Variants in DPYSL2 observed in about 807,000 individuals in gnomAD.
DPYSL2 encodes the protein dihydropyrimidinase like 2.
A neutral mutation model predicts 69.9 loss-of-function variants in DPYSL2; 13 were observed. The ratio of observed to expected loss-of-function variants is 0.19; its 90% confidence interval spans 0.12 to 0.30. The LOEUF is 0.30. Ranked by LOEUF, DPYSL2 falls within the 10% of genes least tolerant of loss-of-function variation. The pLI, the probability that DPYSL2 is intolerant of heterozygous loss-of-function variation, is 1.00. For synonymous variants in DPYSL2, 326 were observed against 359.1 expected, an observed-to-expected ratio of 0.91 and a Z score of 1.04; for missense variants, 587 against 918.9, an observed-to-expected ratio of 0.64 and a Z score of 4.67.
At chr8:26,608,415 T>C (rs1038076743) in intron 3 of DPYSL2, among the ~76,000 whole-genome samples, 3 of 152,062 alleles carry the variant, frequency 2.0e-5, no homozygotes, top group African/African-American at 7.2e-5. Context: ...CTTAGAGGAG[T>C]TTTATAAAAA....
intron 1 of DPYSL2, among the ~76,000 whole-genome samples, chr8:26,567,310 A>T (rs1372482188): frequency 2.1e-5 from 2 of 96,962 alleles, no homozygotes; most frequent in Non-Finnish European, 4.6e-5. Flanking sequence ...CCACACATCC[A>T]TCCACCTATT....
chr8:26,557,841 T>C (rs545601197), intron 1 of DPYSL2, among the ~76,000 whole-genome samples: 1 of 151,950 alleles, frequency 6.6e-6, no homozygotes, highest in South Asian at 2.1e-4. Flanking sequence ...ACTACACACC[T>C]GTTAGGATGG....
chr8:26,557,202 T>TTCAAAAGTAAAAAACCTTTTACC (rs1335157216), intron 1 of DPYSL2, among the ~76,000 whole-genome samples: 2 of 152,230 alleles, frequency 1.3e-5, no homozygotes, highest in African/African-American at 4.8e-5. Flanking sequence ...TAAGCTGGAC[T>TTCAAAAGTAAAAAACCTTTTACC]TCAAAAGTAA....
At chr8:26,583,533 A>G (rs1262373575) in intron 2 of DPYSL2, among the ~76,000 whole-genome samples, 2 of 152,192 alleles carry the variant, frequency 1.3e-5, no homozygotes, top group Admixed American at 6.5e-5. Flanking sequence ...CCTTGTTATC[A>G]TTTGATCTTA....
rs1254994825 is a variant in DPYSL2 at position 26,648,300 on chromosome 8, C to T, written c.1596+500C>T. On this transcript the variant is annotated intron_variant, in intron 11 of 13. Coordinates refer to ENST00000521913, the MANE Select transcript of DPYSL2 (RefSeq NM_001197293.3). This position sits in a 1 kb window ranked among gnomAD's most constrained non-coding sequence, Gnocchi z 4.3. Reference sequence around the variant, plus strand: ...CTTAAAGGAATTGATTGACTGACTTCTCCCTAACAGAAGTACCCCCCAGCC... The same window carrying T: ...CTTAAAGGAATTGATTGACTGACTTTTCCCTAACAGAAGTACCCCCCAGCC... Among the ~76,000 whole-genome samples, 1 of 152,214 alleles carries T rather than the reference C, an allele frequency of 6.6e-6. No homozygotes were observed. The highest frequency in any genetic ancestry group is 2.4e-5 in the African/African-American group (1 of 41,456).
At chr8:26,544,272 C>A (rs1299696623) in intron 1 of DPYSL2, among the ~76,000 whole-genome samples, 1 of 152,148 alleles carries the variant, frequency 6.6e-6, no homozygotes, top group African/African-American at 2.4e-5. Context: ...TGTGCCTCAC[C>A]ATACACACAC....
chr8:26,558,933 A>T (rs990958464), intron 1 of DPYSL2, among the ~76,000 whole-genome samples: 1 of 152,122 alleles, frequency 6.6e-6, no homozygotes, highest in Non-Finnish European at 1.5e-5. Flanking sequence ...ACTATTTTTA[A>T]AACTATTTAT....
At chr8:26,529,438 T>G (rs1382684215) in intron 1 of DPYSL2, among the ~76,000 whole-genome samples, 1 of 152,092 alleles carries the variant, frequency 6.6e-6, no homozygotes, top group Non-Finnish European at 1.5e-5. Context: ...CATGTGATTT[T>G]CTTGAGTAGC....
rs907225532 is a variant in DPYSL2, at chr8:26,562,604, T to C, written c.355-19365T>C. 1.3e-5 allele frequency among the ~76,000 whole-genome samples: 2 copies of C among 152,214 alleles called. No homozygotes were observed. The highest frequency in any genetic ancestry group is 2.4e-5 in the African/African-American group (1 of 41,452). ...AGAATAAAATCCGAATCTGTTTCCA[T>C]GGCCCACAGTCCTGTAGATGTGGTC... On this transcript the variant is annotated intron_variant, in intron 1 of 13. Coordinates refer to ENST00000521913, the MANE Select transcript of DPYSL2 (RefSeq NM_001197293.3). The surrounding 1 kb of genome is among the most constrained non-coding windows in gnomAD (Gnocchi z 4.9).
chr8:26,630,358 C>T, intron 7 of DPYSL2, among the ~76,000 whole-genome samples: 1 of 152,188 alleles, frequency 6.6e-6, no homozygotes, highest in East Asian at 1.9e-4. Flanking sequence ...CAGCCCTGAC[C>T]TCCCTGGAAT....
intron 1 of DPYSL2, among the ~76,000 whole-genome samples, chr8:26,568,554 G>A (rs995126047): frequency 2.0e-5 from 3 of 152,138 alleles, no homozygotes; most frequent in Non-Finnish European, 4.4e-5. Flanking sequence ...TATCCAAATG[G>A]ACTACTTTCA....
intron 1 of DPYSL2, among the ~76,000 whole-genome samples, chr8:26,576,466 G>A (rs1801345472): frequency 6.6e-6 from 1 of 151,920 alleles, no homozygotes; most frequent in Admixed American, 6.5e-5. Flanking sequence ...AGATGTTTTA[G>A]TTATTGTACC....
At chr8:26,590,181 C>A (rs937744330) in intron 3 of DPYSL2, among the ~76,000 whole-genome samples, 1 of 152,170 alleles carries the variant, frequency 6.6e-6, no homozygotes, top group African/African-American at 2.4e-5. Context: ...CAAAAACGCC[C>A]GACCACATCA....
chr8:26,632,773 C>T (rs1033208058), intron 7 of DPYSL2, among the ~76,000 whole-genome samples: 2 of 152,212 alleles, frequency 1.3e-5, no homozygotes, highest in Non-Finnish European at 1.5e-5. Flanking sequence ...TCCCTGTCCC[C>T]GCCTGGTGCT....
intron 3 of DPYSL2, among the ~76,000 whole-genome samples, chr8:26,606,107 C>CTATA (rs1392391130): frequency 6.6e-6 from 1 of 152,020 alleles, no homozygotes; most frequent in Non-Finnish European, 1.5e-5. Flanking sequence ...GAAGAGACAG[C>CTATA]TATATAAGCA....
intron 1 of DPYSL2, among the ~76,000 whole-genome samples, chr8:26,561,533 T>C (rs34869785): frequency 0.098 from 14,814 of 151,884 alleles, 822 homozygotes; most frequent in Non-Finnish European, 0.12. Flanking sequence ...GTGGAAATCC[T>C]GATCAGCTCC....
In DPYSL2 at chr8:26,643,421, G is replaced by C; in HGVS notation, c.1127-18G>C. 6.4e-7 allele frequency: 1 copy of C among 1,571,062 alleles called. No individual in the cohort carries two copies. Among genetic ancestry groups the C allele is most frequent in the Non-Finnish European group, 8.6e-7 (1 of 1,160,516 alleles). On this transcript the variant is annotated intron_variant, in intron 8 of 13. Coordinates refer to ENST00000521913, the MANE Select transcript of DPYSL2 (RefSeq NM_001197293.3). This position sits in a 1 kb window ranked among gnomAD's most constrained non-coding sequence, Gnocchi z 6.5. ...CCTGCATTGTGTTGGACTGAACCTTGTGTGTTCTGTTTGTCAGGAACTGTG... is the reference window on the plus strand; with the variant it reads ...CCTGCATTGTGTTGGACTGAACCTTCTGTGTTCTGTTTGTCAGGAACTGTG...
At chr8:26,631,443 C>A (rs183742055) in intron 7 of DPYSL2, among the ~76,000 whole-genome samples, 1 of 152,244 alleles carries the variant, frequency 6.6e-6, no homozygotes, top group Non-Finnish European at 1.5e-5. Flanking sequence ...GAAACCTTCC[C>A]CATAATCCAG....
rs1267932044 is a variant in DPYSL2 at position 26,647,328 on chromosome 8, G to T, written c.1426-302G>T. Among the ~76,000 whole-genome samples, 1 of 152,142 alleles carries T rather than the reference G, an allele frequency of 6.6e-6. No individual in the cohort carries two copies. The highest frequency in any genetic ancestry group is 1.5e-5 in the Non-Finnish European group (1 of 68,026). ...GACCATCACCACAATCAAGATGCAG[G>T]TCTAGTCCAGCATTTCAGAGACCAA... On this transcript the variant is annotated intron_variant, in intron 10 of 13. Transcript: ENST00000521913. This position sits in a 1 kb window ranked among gnomAD's most constrained non-coding sequence, Gnocchi z 5.1.
Sources: allele counts gnomAD v4.1 joint callset (sites outside exome capture counted in the v4.1 genomes callset), GRCh38; gene constraint gnomAD v4.1.1; non-coding constraint Gnocchi (gnomAD v3.1); transcripts MANE v1.5; gene names NCBI Gene and HGNC (gene_info 2026-07-23, HGNC 2026-07-21).